GRM8: variants seen among roughly 807,000 people sequenced by gnomAD.
GRM8 encodes the protein glutamate metabotropic receptor 8.
A neutral mutation model predicts 87.2 loss-of-function variants in GRM8; 47 were observed. The observed-to-expected ratio is 0.54, with a 90% CI of 0.43 to 0.69. The LOEUF (loss-of-function observed/expected upper bound fraction) is 0.69, where lower values mean the gene tolerates loss of function less well. GRM8 is among the 30% of genes least tolerant of loss of function. The pLI is 0.00. For missense variants in GRM8, 1,019 were observed against 1,139.2 expected (o/e 0.89, Z 1.52); for synonymous variants, 396 against 404.5 (o/e 0.98, Z 0.25).
intron 7 of GRM8, among the ~76,000 whole-genome samples, chr7:126,741,596 C>G (rs75459477): frequency 6.6e-6 from 1 of 152,054 alleles, no homozygotes; most frequent in Non-Finnish European, 1.5e-5. Context: ...CGGTCTAACA[C>G]GAGCTGACAG....
chr7:127,200,004 G>T (rs1359749766), intron 2 of GRM8, among the ~76,000 whole-genome samples: 1 of 152,170 alleles, frequency 6.6e-6, no homozygotes, highest in East Asian at 1.9e-4. Flanking sequence ...TTAGAGAAGA[G>T]AAATAAAGCT....
intron 2 of GRM8, among the ~76,000 whole-genome samples, chr7:127,236,401 A>G (rs2116842072): frequency 6.6e-6 from 1 of 152,342 alleles, no homozygotes; most frequent in South Asian, 2.1e-4. Flanking sequence ...CTCACAGTTC[A>G]GCATGGCTGG....
chr7:126,702,204 T>C (rs951118845), intron 7 of GRM8, among the ~76,000 whole-genome samples: 7 of 152,148 alleles, frequency 4.6e-5, no homozygotes, highest in Non-Finnish European at 8.8e-5. Flanking sequence ...TCACACAGTA[T>C]ACAAATGAAA....
At chr7:127,183,846 A>G (rs1268719455) in intron 2 of GRM8, among the ~76,000 whole-genome samples, 1 of 151,894 alleles carries the variant, frequency 6.6e-6, no homozygotes, top group Non-Finnish European at 1.5e-5. Flanking sequence ...AAGAAAGATC[A>G]TCACTACTGA....
chr7:126,969,447 A>T (rs925306292), intron 3 of GRM8, among the ~76,000 whole-genome samples: 1 of 152,192 alleles, frequency 6.6e-6, no homozygotes, highest in African/African-American at 2.4e-5. Flanking sequence ...CAGCATCTTC[A>T]CCAGGAGTAG....
chr7:126,797,532 T>C (rs967744056), intron 6 of GRM8, among the ~76,000 whole-genome samples: 1 of 152,088 alleles, frequency 6.6e-6, no homozygotes, highest in Admixed American at 6.6e-5. Context: ...ATATATTCAT[T>C]AGGACTGCAG....
intron 3 of GRM8, among the ~76,000 whole-genome samples, chr7:127,019,483 A>G (rs889973387): frequency 6.6e-6 from 1 of 152,122 alleles, no homozygotes; most frequent in African/African-American, 2.4e-5. Context: ...ATGTATGTCA[A>G]TTTGGCAGTA....
At chr7:126,980,452 A>G (rs752714367) in intron 3 of GRM8, among the ~76,000 whole-genome samples, 16 of 152,220 alleles carry the variant, frequency 1.1e-4, no homozygotes, top group Admixed American at 2.0e-4. Flanking sequence ...TTTTCTTCAG[A>G]TGACAGTAAC....
chr7:126,866,887 G>A (rs10270558), intron 6 of GRM8, among the ~76,000 whole-genome samples: 57,293 of 151,754 alleles, frequency 0.38, 11,777 homozygotes, highest in Non-Finnish European at 0.46. Flanking sequence ...ACCGCGCCCT[G>A]CCTTGACTCA....
At chr7:126,670,238 C>T (rs1319706055) in intron 7 of GRM8, among the ~76,000 whole-genome samples, 1 of 152,082 alleles carries the variant, frequency 6.6e-6, no homozygotes, top group African/African-American at 2.4e-5. Flanking sequence ...TTCCCTGGCA[C>T]CTGGTTTTTT....
At chr7:126,589,540 C>T (rs1048578936) in intron 8 of GRM8, among the ~76,000 whole-genome samples, 1 of 152,168 alleles carries the variant, frequency 6.6e-6, no homozygotes, top group African/African-American at 2.4e-5. Flanking sequence ...CTCTACCCAC[C>T]CTGGTAGCTG....
chr7:126,922,724 T>TG (rs1208610140), intron 3 of GRM8, among the ~76,000 whole-genome samples: 9 of 152,160 alleles, frequency 5.9e-5, no homozygotes, highest in Admixed American at 5.2e-4. Context: ...TGGGGCCTGG[T>TG]GGGAGGTGAT....
chr7:127,081,230 T>C (rs749601198), intron 3 of GRM8, among the ~76,000 whole-genome samples: 1 of 152,154 alleles, frequency 6.6e-6, no homozygotes, highest in East Asian at 1.9e-4. Context: ...CTGAACTCCA[T>C]GTATCCTGTG....
intron 3 of GRM8, among the ~76,000 whole-genome samples, chr7:126,948,216 G>A (rs755944184): frequency 2.6e-5 from 4 of 151,952 alleles, no homozygotes; most frequent in Admixed American, 6.6e-5. Flanking sequence ...GATGCTCTGA[G>A]AATCCAGAGG....
At chr7:127,073,782 T>C (rs1009085622) in intron 3 of GRM8, among the ~76,000 whole-genome samples, 2 of 152,154 alleles carry the variant, frequency 1.3e-5, no homozygotes, top group African/African-American at 4.8e-5. Flanking sequence ...GAGGATCCTC[T>C]AGATTGCAAC....
At chr7:126,460,774 C>T (rs1803808405) in intron 9 of GRM8, among the ~76,000 whole-genome samples, 2 of 151,500 alleles carry the variant, frequency 1.3e-5, no homozygotes, top group Non-Finnish European at 3.0e-5. Context: ...GAGAAACTAG[C>T]CCGAAGTCCC....
intron 3 of GRM8, among the ~76,000 whole-genome samples, chr7:127,069,485 A>G (rs1035373013): frequency 6.1e-5 from 4 of 65,308 alleles, no homozygotes; most frequent in African/African-American, 9.2e-5. Context: ...TTTTAATTTA[A>G]AAAAAAAAGA....
chr7:126,507,173 G>A (rs1810614197), intron 9 of GRM8, among the ~76,000 whole-genome samples: 1 of 151,848 alleles, frequency 6.6e-6, no homozygotes, highest in South Asian at 2.1e-4. Context: ...CCAAATAAGT[G>A]GTCCTCCTAC....
intron 6 of GRM8, among the ~76,000 whole-genome samples, chr7:126,774,403 A>G (rs1819188970): frequency 6.6e-6 from 1 of 152,194 alleles, no homozygotes; most frequent in Admixed American, 6.6e-5. Context: ...GTATTGCTAT[A>G]AAGTGCTAAA....
Sources: allele counts gnomAD v4.1 joint callset (sites outside exome capture counted in the v4.1 genomes callset), GRCh38; gene constraint gnomAD v4.1.1; transcripts MANE v1.5; gene names NCBI Gene and HGNC (gene_info 2026-07-23, HGNC 2026-07-21).